The following SPTLC3 variants were observed in gnomAD, a reference collection of about 807,000 sequenced individuals.
SPTLC3 encodes serine palmitoyltransferase long chain base subunit 3.
In SPTLC3, 36 loss-of-function variants were observed where a neutral mutation model predicts 59.3. That is an observed-to-expected ratio of 0.61 (90% CI 0.47 to 0.80). The LOEUF is 0.80. SPTLC3 is among the 30% of genes least tolerant of loss of function. The probability of loss-of-function intolerance (pLI) is 0.00; values close to 1 mark genes in which losing one functional copy is unlikely to be tolerated. For synonymous variants in SPTLC3, 257 were observed against 240.8 expected (o/e 1.07, Z -0.62); for missense variants, 625 against 685.1 (o/e 0.91, Z 0.98).
Position 13,163,889 on chromosome 20 carries a change from A to G in SPTLC3, c.1546-865A>G, listed in dbSNP as rs184769035. Among the ~76,000 whole-genome samples, 3 of 152,328 alleles carry G rather than the reference A, an allele frequency of 2.0e-5. No individual in the cohort carries two copies. The East Asian group carries it at 5.8e-4, about 29-fold the overall frequency. On this transcript the variant is annotated intron_variant, in intron 11 of 11. Transcript: ENST00000399002. Reference sequence around the variant, plus strand: ...CAGGATTGGTGATATACTAGAATTGAAAATGACCTTTTTTTTATTTTATTA... The same window carrying G: ...CAGGATTGGTGATATACTAGAATTGGAAATGACCTTTTTTTTATTTTATTA...
At chr20:13,158,795 C>G (rs1260176953) in intron 10 of SPTLC3, among the ~76,000 whole-genome samples, 3 of 152,182 alleles carry the variant, frequency 2.0e-5, no homozygotes, top group East Asian at 1.9e-4. Flanking sequence ...AACCTATGTT[C>G]TATCTGAAAC....
chr20:13,016,036 T>C (rs1440658278), intron 1 of SPTLC3, among the ~76,000 whole-genome samples: 1 of 151,912 alleles, frequency 6.6e-6, no homozygotes, highest in Non-Finnish European at 1.5e-5. Context: ...AAAATTTATA[T>C]CATAAAATGC....
chr20:13,118,917 G>T (rs1990745055), intron 8 of SPTLC3, among the ~76,000 whole-genome samples: 1 of 152,214 alleles, frequency 6.6e-6, no homozygotes, highest in East Asian at 1.9e-4. Context: ...GTTTTAAGTG[G>T]CCTTTACCCT....
rs145935697 is a variant in SPTLC3 at position 13,140,464 on chromosome 20, C to A, written c.1280-13539C>A. Among the ~76,000 whole-genome samples the A allele has an allele frequency of 6.9e-3, 1,044 of 152,160 alleles. 17 individuals are homozygous for A. Among genetic ancestry groups the A allele is most frequent in the African/African-American group, 0.023 (964 of 41,516 alleles). The stretch of plus-strand genomic sequence containing the variant: ...CCAGGCACGAGACTGAATTCTGAGC[C>A]CAGGTAGAGAAATAAAACTAGAGAC... On this transcript the variant is annotated intron_variant, in intron 9 of 11. Coordinates refer to ENST00000399002, the MANE Select transcript of SPTLC3 (RefSeq NM_018327.4).
intron 6 of SPTLC3, among the ~76,000 whole-genome samples, chr20:13,103,268 A>T (rs1270783950): frequency 6.6e-6 from 1 of 152,240 alleles, no homozygotes; most frequent in East Asian, 1.9e-4. Context: ...AGGCTAAAAA[A>T]GGGGGACAGT....
At chr20:13,048,182 A>G (rs1285237396) in intron 1 of SPTLC3, among the ~76,000 whole-genome samples, 2 of 145,576 alleles carry the variant, frequency 1.4e-5, no homozygotes, top group African/African-American at 5.0e-5. Context: ...TAAAGCATAA[A>G]GCAAGTTCTT....
In SPTLC3 at chr20:13,082,294, T is replaced by A. The variant is rs568735268; in HGVS notation, c.607+7797T>A. 2.0e-5 allele frequency among the ~76,000 whole-genome samples: 3 copies of A among 152,272 alleles called. No homozygotes were observed. The East Asian group carries it at 5.8e-4, about 29-fold the overall frequency. ...CTTGCCAGTCAATGTTTCCACAGTC[T>A]GTAGGTCGAGAAGACTAGACATCAG... is the stretch of plus-strand genomic sequence containing the variant. On this transcript the variant is annotated intron_variant, in intron 4 of 11. Transcript: ENST00000399002.
intron 7 of SPTLC3, among the ~76,000 whole-genome samples, chr20:13,113,794 G>T (rs1990379239): frequency 3.3e-5 from 5 of 152,204 alleles, no homozygotes. Flanking sequence ...TTCAGTCTAA[G>T]AAGTTGCAAC....
chr20:13,104,169 G>T (rs1482681089), intron 6 of SPTLC3, among the ~76,000 whole-genome samples: 1 of 152,138 alleles, frequency 6.6e-6, no homozygotes, highest in Non-Finnish European at 1.5e-5. Flanking sequence ...TTTGCACTAG[G>T]CACCAGAACA....
At chr20:13,023,730 A>T (rs1986007648) in intron 1 of SPTLC3, among the ~76,000 whole-genome samples, 1 of 152,204 alleles carries the variant, frequency 6.6e-6, no homozygotes, top group South Asian at 2.1e-4. Context: ...AGGTAACAAC[A>T]TGCTTCTCTA....
chr20:13,043,031 T>A (rs925583004), intron 1 of SPTLC3, among the ~76,000 whole-genome samples: 6 of 152,194 alleles, frequency 3.9e-5, no homozygotes, highest in Non-Finnish European at 7.3e-5. Context: ...AGTAAATCTC[T>A]TATTCTATAA....
intron 9 of SPTLC3, among the ~76,000 whole-genome samples, chr20:13,144,337 C>T (rs2038455580): frequency 6.6e-6 from 1 of 152,190 alleles, no homozygotes; most frequent in Admixed American, 6.5e-5. Flanking sequence ...TTCCACTGAA[C>T]ACAACAGCCA....
intron 9 of SPTLC3, among the ~76,000 whole-genome samples, chr20:13,142,257 C>T (rs1451754632): frequency 3.3e-5 from 5 of 152,190 alleles, no homozygotes; most frequent in Admixed American, 2.0e-4. Flanking sequence ...TCCTTCCAGC[C>T]GTCCCACAAA....
At chr20:13,068,987 A>G (rs946959662) in intron 2 of SPTLC3, among the ~76,000 whole-genome samples, 11 of 152,174 alleles carry the variant, frequency 7.2e-5, no homozygotes, top group African/African-American at 2.7e-4. Flanking sequence ...GTCAGGAGGC[A>G]GAGAGGTTAG....
intron 9 of SPTLC3, among the ~76,000 whole-genome samples, chr20:13,140,914 C>A (rs2038366151): frequency 6.6e-6 from 1 of 152,126 alleles, no homozygotes; most frequent in Non-Finnish European, 1.5e-5. Flanking sequence ...CATGAGATTG[C>A]CAGGTGAGGT....
At chr20:13,072,202 G>T in intron 2 of SPTLC3, 54 bp from the exon 3 acceptor site, 2 of 1,542,548 alleles carry the variant, frequency 1.3e-6, no homozygotes, top group Middle Eastern at 1.8e-4. Context: ...TCAATTGTAA[G>T]TGAAATCCAG....
At chr20:13,077,415 A>G (rs1219476213) in intron 4 of SPTLC3, among the ~76,000 whole-genome samples, 1 of 152,146 alleles carries the variant, frequency 6.6e-6, no homozygotes, top group Non-Finnish European at 1.5e-5. Context: ...CTTAAAACAT[A>G]TTACCACTAG....
intron 9 of SPTLC3, among the ~76,000 whole-genome samples, chr20:13,137,713 T>C (rs1181214757): frequency 6.6e-6 from 1 of 152,200 alleles, no homozygotes; most frequent in African/African-American, 2.4e-5. Flanking sequence ...CAGCTGTTGC[T>C]GATTAAATTG....
At chr20:13,059,234 CCT>C (rs138395405) in intron 2 of SPTLC3, among the ~76,000 whole-genome samples, 20,114 of 152,108 alleles carry the variant, frequency 0.13, 1,625 homozygotes, top group African/African-American at 0.22. Context: ...ATTATCCTAG[CCT>C]GTGTGCAGGA....
Sources: allele counts gnomAD v4.1 joint callset (sites outside exome capture counted in the v4.1 genomes callset), GRCh38; gene constraint gnomAD v4.1.1; transcripts MANE v1.5; gene names NCBI Gene and HGNC (gene_info 2026-07-23, HGNC 2026-07-21).